MEMO1: variants seen among roughly 807,000 people sequenced by gnomAD.
MEMO1 encodes the protein protein MEMO1.
Under a neutral mutation model 45.2 loss-of-function variants are expected in MEMO1, and 6 were observed. That is an observed-to-expected ratio of 0.13 (90% CI 0.07 to 0.26). The LOEUF is 0.26. Ranked by LOEUF, MEMO1 falls within the 10% of genes least tolerant of loss-of-function variation. MEMO1 has a pLI of 1.00. For synonymous variants in MEMO1, 78 were observed against 124.3 expected (o/e 0.63, Z 2.48); for missense variants, 184 against 370.5 (o/e 0.50, Z 4.13).
chr2:31,913,254 A>AG (rs1680881874), intron 6 of MEMO1, among the ~76,000 whole-genome samples: 1 of 151,180 alleles, frequency 6.6e-6, no homozygotes, highest in African/African-American at 2.4e-5. Flanking sequence ...GTCTCAAAAA[A>AG]AAAAAAAAAA....
At chr2:31,984,975 G>C (rs1411808091) in intron 2 of MEMO1, among the ~76,000 whole-genome samples, 1 of 152,238 alleles carries the variant, frequency 6.6e-6, no homozygotes, top group Non-Finnish European at 1.5e-5. Flanking sequence ...GGGAAAATCG[G>C]TGAGGAATAT....
At chr2:31,891,916 A>C in intron 7 of MEMO1, 76 bp downstream of exon 7, 1 of 1,404,114 alleles carries the variant, frequency 7.1e-7, no homozygotes, top group Non-Finnish European at 9.7e-7. Context: ...ACTGAAAATC[A>C]GAGCTTAGAA....
At chr2:31,990,589 T>C (rs1274778434) in intron 2 of MEMO1, among the ~76,000 whole-genome samples, 2 of 150,292 alleles carry the variant, frequency 1.3e-5, no homozygotes, top group African/African-American at 2.4e-5. Flanking sequence ...TTTTTTTTTT[T>C]GGTAGAGACA....
At chr2:31,927,551 G>T (rs918507246) in intron 4 of MEMO1, among the ~76,000 whole-genome samples, 2 of 149,852 alleles carry the variant, frequency 1.3e-5, no homozygotes, top group African/African-American at 4.9e-5. Flanking sequence ...TGCATAACCA[G>T]ATATGAAAAC....
intron 2 of MEMO1, among the ~76,000 whole-genome samples, chr2:31,950,412 A>G (rs1013425031): frequency 1.3e-5 from 2 of 150,486 alleles, no homozygotes; most frequent in African/African-American, 4.9e-5. Flanking sequence ...CTATTAATGA[A>G]CAAGCAATTA....
rs70964738 is a variant in MEMO1 at position 31,901,374 on chromosome 2, C to CAAA, written c.438-9243_438-9241dup. ...AGCGAAAGAGTGAGACTCTGTCTCA[C>CAAA]AAAAAAAAAAAAAAAAAAAAAAAAA... On this transcript the variant is annotated intron_variant, in intron 6 of 9. Transcript: ENST00000404530. 2.5e-3 allele frequency among the ~76,000 whole-genome samples: 57 copies of CAAA among 22,690 alleles called. 4 individuals carry two copies. The highest frequency in any genetic ancestry group is 6.4e-3 in the African/African-American group (49 of 7,658). The allele number at this position is 22,690 out of a possible 152,430, so 14.9% of individuals were successfully genotyped here.
chr2:31,938,935 T>C (rs1044990964), intron 3 of MEMO1, among the ~76,000 whole-genome samples: 1 of 151,652 alleles, frequency 6.6e-6, no homozygotes, highest in Non-Finnish European at 1.5e-5. Flanking sequence ...TGCAGGCTCA[T>C]GCCACCACAC....
At chr2:31,955,227 G>A (rs573147420) in intron 2 of MEMO1, among the ~76,000 whole-genome samples, 1 of 152,088 alleles carries the variant, frequency 6.6e-6, no homozygotes, top group East Asian at 1.9e-4. Context: ...AAACAAACGT[G>A]AGGCCCACTG....
intron 2 of MEMO1, among the ~76,000 whole-genome samples, chr2:32,005,452 G>T (rs1673950935): frequency 6.6e-6 from 1 of 152,032 alleles, no homozygotes; most frequent in Non-Finnish European, 1.5e-5. Flanking sequence ...CATTTGGTGG[G>T]AATTCCAGTA....
chr2:31,920,277 T>A (rs978169671), intron 5 of MEMO1, among the ~76,000 whole-genome samples: 1 of 151,564 alleles, frequency 6.6e-6, no homozygotes, highest in Non-Finnish European at 1.5e-5. Context: ...TGGAAAAAAA[T>A]AAATCAACCA....
chr2:31,982,608 G>A lies in MEMO1; in HGVS notation c.61+27579C>T, dbSNP rs772145188. ...CGTCTCAAAAAAAAAAAAAAAAAAAGATACGTATGAAGTTCAGGAACTTCC... is the reference window on the plus strand; with the variant it reads ...CGTCTCAAAAAAAAAAAAAAAAAAAAATACGTATGAAGTTCAGGAACTTCC... On this transcript the variant is annotated intron_variant, in intron 2 of 9. Transcript: ENST00000404530. Among the ~76,000 whole-genome samples, 1,399 of 141,202 alleles carry A rather than the reference G, an allele frequency of 9.9e-3. 13 individuals are homozygous for A. The highest frequency in any genetic ancestry group is 0.015 in the Non-Finnish European group (965 of 65,348). 92.6% of individuals were successfully genotyped at this position (141,202 alleles called of 152,430 possible).
At chr2:31,990,450 T>C (rs1671804223) in intron 2 of MEMO1, among the ~76,000 whole-genome samples, 1 of 152,032 alleles carries the variant, frequency 6.6e-6, no homozygotes, top group South Asian at 2.1e-4. Context: ...TCTGGGGTGT[T>C]TTTGGTTTTT....
chr2:31,986,628 G>C (rs1671293557), intron 2 of MEMO1, among the ~76,000 whole-genome samples: 1 of 152,110 alleles, frequency 6.6e-6, no homozygotes, highest in Non-Finnish European at 1.5e-5. Context: ...TACCAGGACT[G>C]TTTCTGATTA....
chr2:31,889,471 AT>A (rs1247338953), intron 7 of MEMO1, among the ~76,000 whole-genome samples: 3 of 152,084 alleles, frequency 2.0e-5, no homozygotes, highest in Non-Finnish European at 1.5e-5. Context: ...AAAAAGCTGA[AT>A]TTTTGAGATG....
chr2:31,874,152 C>A (rs1160514830), intron 8 of MEMO1, among the ~76,000 whole-genome samples: 1 of 152,016 alleles, frequency 6.6e-6, no homozygotes, highest in African/African-American at 2.4e-5. Flanking sequence ...TGCCAATGTC[C>A]ATAATGAAAC....
At chr2:31,935,434 C>T (rs1265363772) in intron 3 of MEMO1, among the ~76,000 whole-genome samples, 1 of 152,068 alleles carries the variant, frequency 6.6e-6, no homozygotes, top group Non-Finnish European at 1.5e-5. Flanking sequence ...TGGTTTCAGT[C>T]CATTCAGGAG....
rs188269304 is a variant in MEMO1, at chr2:31,936,122, C to T, written c.144-3987G>A. On this transcript the variant is annotated intron_variant, in intron 3 of 9. Coordinates refer to ENST00000404530, the MANE Select transcript of MEMO1 (RefSeq NM_001301833.4). ...GGGACTACAGGCATCCGTCACCACA[C>T]CTGGCTAATTTTTCTATTTTTAGTA... Among the ~76,000 whole-genome samples the T allele has an allele frequency of 1.4e-3, 217 of 152,112 alleles. 1 individual carries two copies. Among genetic ancestry groups the T allele is most frequent in the African/African-American group, 4.9e-3 (204 of 41,488 alleles).
intron 3 of MEMO1, among the ~76,000 whole-genome samples, chr2:31,940,243 T>G (rs1665443461): frequency 6.6e-6 from 1 of 152,192 alleles, no homozygotes; most frequent in Non-Finnish European, 1.5e-5. Context: ...TAGGCAACCA[T>G]ACCCTCTGTG....
chr2:32,006,528 TTTTG>T (rs1240416548), intron 2 of MEMO1, among the ~76,000 whole-genome samples: 1 of 152,110 alleles, frequency 6.6e-6, no homozygotes, highest in African/African-American at 2.4e-5. Flanking sequence ...CATTTCATGT[TTTTG>T]TTTGTTTTTT....
Sources: gnomAD v4.1 joint callset for allele counts (sites outside exome capture counted in the v4.1 genomes callset) on GRCh38, gnomAD v4.1.1 for gene constraint, MANE v1.5 for transcripts, NCBI Gene and HGNC (gene_info 2026-07-23, HGNC 2026-07-21) for gene names.